CDK14: variants seen among roughly 807,000 people sequenced by gnomAD.
CDK14 encodes cyclin dependent kinase 14.
A neutral mutation model predicts 60.7 loss-of-function variants in CDK14; 34 were observed. The observed-to-expected ratio is 0.56, with a 90% CI of 0.43 to 0.75. The LOEUF (loss-of-function observed/expected upper bound fraction) is 0.75. CDK14 is among the 30% of genes least tolerant of loss of function. The pLI is 0.00. For synonymous variants in CDK14, 197 were observed against 203.7 expected, an observed-to-expected ratio of 0.97 and a Z score of 0.28; for missense variants, 482 against 564.1, an observed-to-expected ratio of 0.85 and a Z score of 1.47.
At chr7:90,818,858 C>T (rs1205546311) in intron 5 of CDK14, among the ~76,000 whole-genome samples, 1 of 141,378 alleles carries the variant, frequency 7.1e-6, no homozygotes, top group Non-Finnish European at 1.5e-5. Flanking sequence ...CCAATATTTT[C>T]TCTCTCTCTA....
chr7:90,986,603 T>A (rs1337257407), intron 10 of CDK14, among the ~76,000 whole-genome samples: 4 of 152,044 alleles, frequency 2.6e-5, no homozygotes, highest in African/African-American at 9.6e-5. Flanking sequence ...TCAATTATTT[T>A]AAATAACTTT....
At chr7:91,133,894 C>A (rs1426720289) in intron 14 of CDK14, among the ~76,000 whole-genome samples, 1 of 152,110 alleles carries the variant, frequency 6.6e-6, no homozygotes, top group Non-Finnish European at 1.5e-5. Context: ...AACCACAGGG[C>A]ATTCCATGAG....
chr7:90,660,573 T>G (rs1800847797), intron 2 of CDK14, among the ~76,000 whole-genome samples: 1 of 152,212 alleles, frequency 6.6e-6, no homozygotes, highest in South Asian at 2.1e-4. Flanking sequence ...TAAAAGAGAA[T>G]TTCTGGTGTC....
At chr7:90,743,485 T>C (rs1803437624) in intron 3 of CDK14, among the ~76,000 whole-genome samples, 1 of 152,164 alleles carries the variant, frequency 6.6e-6, no homozygotes, top group African/African-American at 2.4e-5. Context: ...CTTGAAAGAA[T>C]ATAAATATTT....
At chr7:90,883,122 TAA>T (rs34446911) in intron 6 of CDK14, among the ~76,000 whole-genome samples, 1 of 146,758 alleles carries the variant, frequency 6.8e-6, no homozygotes, top group African/African-American at 2.5e-5. Flanking sequence ...TAGAGACACA[TAA>T]AAAAAAAACT....
chr7:91,156,555 C>A (rs1015259091), intron 14 of CDK14, among the ~76,000 whole-genome samples: 6 of 152,060 alleles, frequency 3.9e-5, no homozygotes, highest in Non-Finnish European at 5.9e-5. Flanking sequence ...GTTATCGGAA[C>A]TGAAAATCAG....
chr7:90,902,569 CAA>C (rs903576526), intron 7 of CDK14, among the ~76,000 whole-genome samples: 1 of 151,988 alleles, frequency 6.6e-6, no homozygotes, highest in Non-Finnish European at 1.5e-5. Context: ...AAGAATGAAA[CAA>C]GACTTATTTT....
chr7:91,157,097 A>G lies in CDK14; in HGVS notation c.*28+38889A>G, dbSNP rs530532896. Among the ~76,000 whole-genome samples the G allele has an allele frequency of 2.0e-5, 3 of 152,316 alleles. No homozygotes were observed. In the East Asian group the frequency reaches 5.8e-4, roughly 29 times the overall value. ...GGAATTTGGCTCTGAATTAGGATGC[A>G]AAATAAAGTTCATCAGAGAGGTTGC... On this transcript the variant is annotated intron_variant, in intron 14 of 14. Coordinates refer to ENST00000380050, the MANE Select transcript of CDK14 (RefSeq NM_001287135.2).
intron 2 of CDK14, among the ~76,000 whole-genome samples, chr7:90,665,146 A>C (rs774515980): frequency 2.6e-5 from 4 of 151,896 alleles, no homozygotes; most frequent in Non-Finnish European, 5.9e-5. Flanking sequence ...TTAGCTGGGC[A>C]TAGTGGCGGG....
chr7:91,090,482 A>G (rs1263646947), intron 12 of CDK14, among the ~76,000 whole-genome samples: 1 of 152,146 alleles, frequency 6.6e-6, no homozygotes, highest in African/African-American at 2.4e-5. Context: ...TTTAATTTTT[A>G]TTAGTTTAAA....
chr7:91,137,481 T>C (rs570332207), intron 14 of CDK14, among the ~76,000 whole-genome samples: 4 of 152,256 alleles, frequency 2.6e-5, no homozygotes, highest in Admixed American at 2.6e-4. Context: ...AAAAAAGTAA[T>C]ATGTAGGCTC....
chr7:91,092,996 C>T (rs140051845), intron 12 of CDK14, among the ~76,000 whole-genome samples: 1 of 152,110 alleles, frequency 6.6e-6, no homozygotes, highest in East Asian at 1.9e-4. Context: ...AATTATTTGC[C>T]AGGACTTGAA....
chr7:91,193,573 C>G (rs1802441885), intron 14 of CDK14, among the ~76,000 whole-genome samples: 1 of 151,942 alleles, frequency 6.6e-6, no homozygotes, highest in Non-Finnish European at 1.5e-5. Context: ...TATGGCATAG[C>G]AGATTAAAGG....
intron 10 of CDK14, among the ~76,000 whole-genome samples, chr7:91,018,695 G>A (rs1796363498): frequency 6.6e-6 from 1 of 152,150 alleles, no homozygotes; most frequent in East Asian, 1.9e-4. Context: ...AAATCTGGTT[G>A]TTTAAAAGTG....
At chr7:91,119,227 T>TC (rs1435936787) in intron 14 of CDK14, among the ~76,000 whole-genome samples, 1 of 152,164 alleles carries the variant, frequency 6.6e-6, no homozygotes, top group East Asian at 1.9e-4. Flanking sequence ...ATACCTGTAA[T>TC]CCCAGCACTT....
At chr7:90,640,695 C>A (rs532554527) in intron 2 of CDK14, among the ~76,000 whole-genome samples, 1 of 152,042 alleles carries the variant, frequency 6.6e-6, no homozygotes, top group Admixed American at 6.5e-5. Flanking sequence ...GTGGTTTGAT[C>A]TGTGAGATCA....
At chr7:91,060,365 C>T (rs1797741428) in intron 11 of CDK14, among the ~76,000 whole-genome samples, 1 of 151,916 alleles carries the variant, frequency 6.6e-6, no homozygotes, top group African/African-American at 2.4e-5. Flanking sequence ...ATTTGGCAGT[C>T]TGTGTCTTTT....
intron 14 of CDK14, among the ~76,000 whole-genome samples, chr7:91,189,969 C>T (rs1322333126): frequency 1.3e-5 from 2 of 152,218 alleles, no homozygotes; most frequent in African/African-American, 4.8e-5. Context: ...CTCATTTCCT[C>T]ATCACTGAAT....
chr7:90,604,112 C>T, intron 1 of CDK14, 106 bp from the exon 2 acceptor site: 1 of 696,638 alleles, frequency 1.4e-6, no homozygotes. Flanking sequence ...AATTTACTTT[C>T]TGAAATGAAA....
Sources: allele counts gnomAD v4.1 joint callset (sites outside exome capture counted in the v4.1 genomes callset), GRCh38; gene constraint gnomAD v4.1.1; transcripts MANE v1.5; gene names NCBI Gene and HGNC (gene_info 2026-07-23, HGNC 2026-07-21).